Variants in GSE1 observed in about 807,000 individuals in gnomAD.
GSE1 encodes the protein genetic suppressor element 1.
In GSE1, 32 loss-of-function variants were observed where a neutral mutation model predicts 112.6. The ratio of observed to expected loss-of-function variants is 0.28; its 90% confidence interval spans 0.21 to 0.38. The LOEUF is 0.38. Among genes scored for constraint, GSE1 ranks in the 10% least tolerant of loss-of-function variants. The pLI, the probability that GSE1 is intolerant of heterozygous loss-of-function variation, is 1.00. For synonymous variants in GSE1, 1,115 were observed against 735.6 expected (o/e 1.52, Z -8.35); for missense variants, 2,348 against 1,699.2 (o/e 1.38, Z -6.71).
chr16:85,317,660 A>G (rs1040613147), intron 1 of GSE1, among the ~76,000 whole-genome samples: 2 of 152,200 alleles, frequency 1.3e-5, no homozygotes, highest in East Asian at 3.9e-4. Context: ...CGCCCTGCAC[A>G]GCCCCCGAGG....
chr16:85,653,435 C>T lies in GSE1; in HGVS notation c.427-843C>T, dbSNP rs574074087. Among the ~76,000 whole-genome samples the T allele has an allele frequency of 6.8e-4, 102 of 149,822 alleles. 1 individual carries two copies. The Middle Eastern group carries it at 0.014, about 20-fold the overall frequency. On this transcript the variant is annotated intron_variant, in intron 3 of 15. Transcript: ENST00000253458. ...AGCCTCTGCGTGGCTAGGGGTGGCA[C>T]GGCCTATCCTTGAACTTGGCAGGGA...
intron 3 of GSE1, among the ~76,000 whole-genome samples, chr16:85,649,223 C>T (rs540518674): frequency 2.0e-5 from 3 of 152,088 alleles, no homozygotes; most frequent in Admixed American, 6.5e-5. Flanking sequence ...CTTTAAAGAC[C>T]GTGTCTCCAA....
chr16:85,364,454 A>T (rs1188076229), intron 2 of GSE1, among the ~76,000 whole-genome samples: 1 of 152,202 alleles, frequency 6.6e-6, no homozygotes, highest in Non-Finnish European at 1.5e-5. Flanking sequence ...ACATCTTTTG[A>T]GTCCGTGCTT....
intron 2 of GSE1, among the ~76,000 whole-genome samples, chr16:85,541,013 G>T (rs1049397257): frequency 6.6e-6 from 1 of 152,168 alleles, no homozygotes; most frequent in Non-Finnish European, 1.5e-5. Context: ...GTGTGGCGGG[G>T]ATGGGGGTAG....
At chr16:85,401,728 C>T (rs1336955056) in intron 2 of GSE1, among the ~76,000 whole-genome samples, 2 of 152,234 alleles carry the variant, frequency 1.3e-5, no homozygotes, top group African/African-American at 2.4e-5. Flanking sequence ...GCTGTGTACA[C>T]GCAGCACTGC....
At chr16:85,198,656 T>G (rs1024495572) in intron 1 of GSE1, among the ~76,000 whole-genome samples, 1 of 152,148 alleles carries the variant, frequency 6.6e-6, no homozygotes, top group Non-Finnish European at 1.5e-5. Context: ...TTCTTTCTGC[T>G]GAGACTGCAA....
intron 2 of GSE1, among the ~76,000 whole-genome samples, chr16:85,450,279 T>C (rs376644865): frequency 7.5e-5 from 11 of 147,038 alleles, no homozygotes; most frequent in Middle Eastern, 4.1e-3. Flanking sequence ...CCACCATGCC[T>C]GGCTAATTTT....
chr16:85,670,882 T>A, intron 14 of GSE1, 113 bp from the exon 15 acceptor site: 1 of 684,772 alleles, frequency 1.5e-6, no homozygotes, highest in East Asian at 2.6e-5. Context: ...CTTCGCTGGC[T>A]GCACTGGAGA....
chr16:85,623,518 C>T (rs2048871202), intron 1 of GSE1, among the ~76,000 whole-genome samples: 1 of 152,190 alleles, frequency 6.6e-6, no homozygotes, highest in African/African-American at 2.4e-5. Context: ...CCTTGGTTTT[C>T]CAGCTCAGGA....
At chr16:85,292,494 A>C (rs1310432269) in intron 1 of GSE1, among the ~76,000 whole-genome samples, 1 of 151,964 alleles carries the variant, frequency 6.6e-6, no homozygotes, top group Non-Finnish European at 1.5e-5. Flanking sequence ...ACGTCCAGCT[A>C]ATTTTTGTAT....
chr16:85,663,735 C>G, intron 11 of GSE1, 121 bp downstream of exon 11: 4 of 991,034 alleles, frequency 4.0e-6, no homozygotes, highest in South Asian at 3.1e-5. Context: ...GAGGCTGCCC[C>G]TTTACTCCTC....
intron 2 of GSE1, among the ~76,000 whole-genome samples, chr16:85,484,603 G>A (rs545355165): frequency 6.6e-6 from 1 of 152,250 alleles, no homozygotes; most frequent in East Asian, 1.9e-4. Context: ...CAGATTTTCT[G>A]CACAGCAGCT....
upstream of GSE1, among the ~76,000 whole-genome samples, chr16:85,610,324 T>C (rs1567644571): frequency 6.6e-6 from 1 of 152,020 alleles, no homozygotes; most frequent in East Asian, 1.9e-4. Context: ...GGGAAGGAGG[T>C]CCAGGGAAAG....
chr16:85,666,253 C>G lies in GSE1; in HGVS notation c.3036C>G (p.Ser1012Arg). The change falls in exon 13 of 16, where the codon AGC becomes AGG. Residue 1012 changes from serine (S) to arginine (R), a missense_variant. Ser to Arg is a moderately radical substitution (Grantham distance 110). Transcript: ENST00000253458. ...TGTCCCACAGCACCAATGGGAAGAG[C>G]AAGCCGTGGGAGCCCTTTGTGGCAG... Reference protein sequence around the residue: ...VPLSHSTNGKSKPWEPFVAEE... With the variant: ...VPLSHSTNGKRKPWEPFVAEE... 1 of 1,613,848 alleles carries G rather than the reference C, an allele frequency of 6.2e-7. No individual in the cohort carries two copies. The highest frequency in any genetic ancestry group is 8.5e-7 in the Non-Finnish European group (1 of 1,180,020).
chr16:85,611,520 C>G, upstream of GSE1: 1 of 978,854 alleles, frequency 1.0e-6, no homozygotes, highest in South Asian at 4.7e-5. Flanking sequence ...CAGGGCCGGC[C>G]AGCGTCCGCA....
rs1412023609 is a variant in GSE1 at position 85,656,594 on chromosome 16, T to C, written c.1241T>C (p.Leu414Pro). Residue 414 changes from leucine (L) to proline (P), a missense_variant, in exon 7 of 16, where the codon CTG (leucine) becomes CCG (proline). By Grantham distance (98) the Leu-to-Pro change is moderately conservative. Transcript: ENST00000253458. ...LEPSFLPVAE[L>P]HGLRGHATEE... is the part of the protein sequence containing the mutation. Reference sequence around the variant, plus strand: ...CCCAGCTTCCTGCCCGTGGCCGAGCTGCATGGGCTGCGTGGCCATGCCACT... The same window carrying C: ...CCCAGCTTCCTGCCCGTGGCCGAGCCGCATGGGCTGCGTGGCCATGCCACT... 2 of 1,546,678 alleles carry C rather than the reference T, an allele frequency of 1.3e-6. No individual in the cohort carries two copies. The highest frequency in any genetic ancestry group is 2.4e-5 in the East Asian group (1 of 40,828).
At chr16:85,394,911 C>T (rs1487232798) in intron 2 of GSE1, among the ~76,000 whole-genome samples, 1 of 152,154 alleles carries the variant, frequency 6.6e-6, no homozygotes, top group Non-Finnish European at 1.5e-5. Flanking sequence ...CTGGAGGAGG[C>T]ACTCTGGAAG....
At chr16:85,510,456 G>A (rs908094629) in intron 2 of GSE1, among the ~76,000 whole-genome samples, 1 of 152,212 alleles carries the variant, frequency 6.6e-6, no homozygotes, top group Non-Finnish European at 1.5e-5. Context: ...GTGTCGGTGT[G>A]GCCTGCGTGC....
chr16:85,333,056 G>A (rs568385064), intron 1 of GSE1, among the ~76,000 whole-genome samples: 2 of 152,162 alleles, frequency 1.3e-5, no homozygotes, highest in South Asian at 2.1e-4. Flanking sequence ...TTTGTACCCC[G>A]CCGCCTTGGA....
Sources: allele counts gnomAD v4.1 joint callset (sites outside exome capture counted in the v4.1 genomes callset), GRCh38; gene constraint gnomAD v4.1.1; transcripts MANE v1.5; gene names NCBI Gene and HGNC (gene_info 2026-07-23, HGNC 2026-07-21).